Variants in GTF2A1 observed in about 807,000 individuals in gnomAD.
The protein encoded by GTF2A1 is transcription initiation factor IIA subunit 1.
GTF2A1 carries 12 observed loss-of-function variants against 54.1 expected under a neutral mutation model. The ratio of observed to expected loss-of-function variants is 0.22; its 90% CI spans 0.14 to 0.36. The LOEUF (loss-of-function observed/expected upper bound fraction) is 0.36, where lower values mean the gene tolerates loss of function less well. Among genes scored for constraint, GTF2A1 ranks in the 10% least tolerant of loss-of-function variants. The probability of loss-of-function intolerance (pLI) is 1.00; values close to 1 mark genes in which losing one functional copy is unlikely to be tolerated. For missense variants in GTF2A1, 335 were observed against 442.2 expected, an observed-to-expected ratio of 0.76 and a Z score of 2.17; for synonymous variants, 145 against 152.0, an observed-to-expected ratio of 0.95 and a Z score of 0.34.
Position 81,178,152 on chromosome 14 carries a change from C to T in GTF2A1, c.*2071G>A, listed in dbSNP as rs1339257304. 1 of 152,160 alleles carries T rather than the reference C, an allele frequency of 6.6e-6. No individual in the cohort carries two copies. 9.4% of individuals were successfully genotyped at this position (152,160 alleles called of 1,614,324 possible). ...GTCTACATAGAGGGCCCAAGACAAG[C>T]TGAATATCATACAGTAATCCAAGTT... is the stretch of plus-strand genomic sequence containing the variant. On this transcript the variant is annotated 3_prime_UTR_variant, in exon 9 of 9. Coordinates refer to ENST00000553612, the MANE Select transcript of GTF2A1 (RefSeq NM_015859.4).
In GTF2A1 at chr14:81,201,662, C is replaced by CA. The variant is rs775106253; in HGVS notation, c.338-5dup. On this transcript the variant is annotated splice_polypyrimidine_tract_variant and splice_region_variant and intron_variant, in intron 3 of 8. Coordinates refer to ENST00000553612, the MANE Select transcript of GTF2A1 (RefSeq NM_015859.4). ...ACAATAACTTGTGGTGCTGTGGCTA[C>CA]AAAAAAACAAGCGAACATGCAAACA... 5.6e-6 allele frequency: 9 copies of CA among 1,603,084 alleles called. No individual in the cohort carries two copies. Among genetic ancestry groups the CA allele is most frequent in the Admixed American group, 1.7e-5 (1 of 59,792 alleles).
chr14:81,214,775 CCATTA>C (rs80355545), intron 2 of GTF2A1, among the ~76,000 whole-genome samples: 96,848 of 151,382 alleles, frequency 0.64, 31,120 homozygotes, highest in Middle Eastern at 0.7. Context: ...AATAATGGAT[CCATTA>C]TATGTTAACA....
Position 81,176,904 on chromosome 14 carries a change from T to A in GTF2A1, c.*3319A>T, listed in dbSNP as rs1892540287. On this transcript the variant is annotated 3_prime_UTR_variant, in exon 9 of 9. Coordinates refer to ENST00000553612, the MANE Select transcript of GTF2A1 (RefSeq NM_015859.4). ...TCAAGTAGAAGAAAATGCTAAGTCATAAAGAGAACTCCCAAGAGGAAATTA... is the reference window on the plus strand; with the variant it reads ...TCAAGTAGAAGAAAATGCTAAGTCAAAAAGAGAACTCCCAAGAGGAAATTA... The A allele has an allele frequency of 2.0e-5, 3 of 152,034 alleles. No homozygotes were observed. Among genetic ancestry groups the A allele is most frequent in the Admixed American group, 2.0e-4 (3 of 15,260 alleles). The allele number at this position is 152,034 out of a possible 1,614,324, so 9.4% of individuals were successfully genotyped here.
chr14:81,186,962 A>C (rs556256919), intron 7 of GTF2A1, among the ~76,000 whole-genome samples: 39 of 151,286 alleles, frequency 2.6e-4, no homozygotes, highest in Admixed American at 1.5e-3. Flanking sequence ...ATAAGAACAA[A>C]AAAAAAAAAT....
intron 1 of GTF2A1, among the ~76,000 whole-genome samples, chr14:81,218,376 A>G (rs1413158153): frequency 5.3e-5 from 8 of 152,218 alleles, no homozygotes; most frequent in Admixed American, 4.6e-4. Context: ...ACAGCTTCAT[A>G]AGCCCTATAG....
intron 2 of GTF2A1, among the ~76,000 whole-genome samples, chr14:81,215,992 C>T (rs1467367761): frequency 6.6e-6 from 1 of 152,164 alleles, no homozygotes; most frequent in East Asian, 1.9e-4. Flanking sequence ...TGCACTCCAG[C>T]CTGGGCGACA....
At chr14:81,201,990 T>C (rs1481373538) in intron 3 of GTF2A1, among the ~76,000 whole-genome samples, 2 of 152,002 alleles carry the variant, frequency 1.3e-5, no homozygotes, top group Non-Finnish European at 2.9e-5. Context: ...TGAAACCCCA[T>C]CTCTACTAAA....
rs772748894 is a variant in GTF2A1 at position 81,203,964 on chromosome 14, C to T, written c.273G>A (p.Gln91=). ...CTTGCTGAGGTACTGTCTGCTGAGG[C>T]TGAGCTTGCTGATGATGGTGATGGT... ...HHHHHHHQQA[Q]PQQTVPQQAQ... Residue 91 remains glutamine (Q), a synonymous_variant, in exon 3 of 9, where the codon CAG becomes CAA. Transcript: ENST00000553612. 1 of 1,613,940 alleles carries T rather than the reference C, an allele frequency of 6.2e-7. No individual in the cohort carries two copies. The highest frequency in any genetic ancestry group is 8.5e-7 in the Non-Finnish European group (1 of 1,179,994).
Position 81,180,107 on chromosome 14 carries a change from G to C in GTF2A1, c.*116C>G. ...TTGTTCCAGTAGCTTTGCTTCTACT[G>C]CACTTTTCTGACATGCAGAAACGAA... On this transcript the variant is annotated 3_prime_UTR_variant, in exon 9 of 9. Transcript: ENST00000553612. The C allele has an allele frequency of 6.6e-6, 3 of 453,588 alleles. No homozygotes were observed. The highest frequency in any genetic ancestry group is 1.2e-5 in the Non-Finnish European group (3 of 243,656). The allele number at this position is 453,588 out of a possible 1,614,324, so 28.1% of individuals were successfully genotyped here. A position where few individuals can be genotyped will look rare whatever the true frequency, so the allele number is the denominator to read the frequency against.
chr14:81,196,302 G>A, intron 5 of GTF2A1, 61 bp from the exon 6 acceptor site: 1 of 1,535,238 alleles, frequency 6.5e-7, no homozygotes, highest in Non-Finnish European at 9.0e-7. Context: ...CAAAAGAAAT[G>A]AATTCATATT....
chr14:81,220,750 A>AG lies in GTF2A1; in HGVS notation c.-233_-232insC. The AG allele has an allele frequency of 2.6e-6, 1 of 387,094 alleles. No homozygotes were observed. The highest frequency in any genetic ancestry group is 4.6e-6 in the Non-Finnish European group (1 of 218,476). 24.0% of individuals were successfully genotyped at this position (387,094 alleles called of 1,614,324 possible). ...CGAGAATCGCCTTAAAAAAAAAAAAAAAGCCACGACCCTTCAGGGGTCCGG... is the reference window on the plus strand; with the variant it reads ...CGAGAATCGCCTTAAAAAAAAAAAAAGAAGCCACGACCCTTCAGGGGTCCGG... On this transcript the variant is annotated 5_prime_UTR_variant, in exon 1 of 9. Transcript: ENST00000553612.
intron 2 of GTF2A1, among the ~76,000 whole-genome samples, chr14:81,206,956 G>GT (rs1893245321): frequency 6.6e-6 from 1 of 152,140 alleles, no homozygotes; most frequent in African/African-American, 2.4e-5. Flanking sequence ...ACTGGCGCAT[G>GT]TATTTATTCA....
At chr14:81,211,875 T>TATATATATATATATA (rs1419902730) in intron 2 of GTF2A1, among the ~76,000 whole-genome samples, 859 of 68,322 alleles carry the variant, frequency 0.013, 40 homozygotes, top group Middle Eastern at 0.028. Flanking sequence ...ATCAAGTACT[T>TATATATATATATATA]TATATATATA....
chr14:81,177,433 C>A lies in GTF2A1; in HGVS notation c.*2790G>T, dbSNP rs1487075397. 1 of 152,126 alleles carries A rather than the reference C, an allele frequency of 6.6e-6. No individual in the cohort carries two copies. Among genetic ancestry groups the A allele is most frequent in the African/African-American group, 2.4e-5 (1 of 41,446 alleles). 9.4% of individuals were successfully genotyped at this position (152,126 alleles called of 1,614,324 possible). ...ACATGCTCTCAGGCATTCAAATGGT[C>A]TGATTACCCAAATGGCCACCAAGCA... On this transcript the variant is annotated 3_prime_UTR_variant, in exon 9 of 9. Coordinates refer to ENST00000553612, the MANE Select transcript of GTF2A1 (RefSeq NM_015859.4).
At chr14:81,196,086 T>C (rs1456123869) in intron 6 of GTF2A1, 22 bp downstream of exon 6, 1 of 1,608,034 alleles carries the variant, frequency 6.2e-7, no homozygotes, top group Non-Finnish European at 8.5e-7. Context: ...CCCATACTGA[T>C]CATAATAGAA....
At position 81,176,334 on chromosome 14, in the gene GTF2A1, G is replaced by A. The variant is rs1485505024; in HGVS notation, c.*3889C>T. On this transcript the variant is annotated 3_prime_UTR_variant, in exon 9 of 9. Coordinates refer to ENST00000553612, the MANE Select transcript of GTF2A1 (RefSeq NM_015859.4). Reference sequence around the variant, plus strand: ...TTACAAACATAATAAATATATTTACGCCATTACACATAACAGTATGTACAA... The same window carrying A: ...TTACAAACATAATAAATATATTTACACCATTACACATAACAGTATGTACAA... The A allele has an allele frequency of 1.3e-5, 2 of 151,884 alleles. No homozygotes were observed. The highest frequency in any genetic ancestry group is 2.4e-5 in the African/African-American group (1 of 41,354). The allele number at this position is 151,884 out of a possible 1,614,324, so 9.4% of individuals were successfully genotyped here. A position where few individuals can be genotyped will look rare whatever the true frequency, so the allele number is the denominator to read the frequency against.
intron 8 of GTF2A1, 75 bp from the exon 9 acceptor site, chr14:81,180,405 A>G (rs1017689030): frequency 4.3e-6 from 3 of 701,822 alleles, no homozygotes; most frequent in Non-Finnish European, 7.8e-6. Context: ...AAAAACCCAT[A>G]CACACACACA....
chr14:81,186,225 G>A (rs1043796183), intron 7 of GTF2A1, among the ~76,000 whole-genome samples: 1 of 152,188 alleles, frequency 6.6e-6, no homozygotes, highest in African/African-American at 2.4e-5. Flanking sequence ...AAGATGCCTA[G>A]AAAAGGACCT....
chr14:81,214,497 T>A (rs1286670597), intron 2 of GTF2A1, among the ~76,000 whole-genome samples: 3 of 151,880 alleles, frequency 2.0e-5, no homozygotes, highest in African/African-American at 7.3e-5. Context: ...TACAAAAAAA[T>A]TAGCCAGGCG....
Sources: gnomAD v4.1 joint callset for allele counts (sites outside exome capture counted in the v4.1 genomes callset) on GRCh38, gnomAD v4.1.1 for gene constraint, MANE v1.5 for transcripts, NCBI Gene and HGNC (gene_info 2026-07-23, HGNC 2026-07-21) for gene names.